SEPTIN7: variants seen among roughly 807,000 people sequenced by gnomAD.
SEPTIN7 encodes septin 7.
In SEPTIN7, 10 loss-of-function variants were observed where a neutral mutation model predicts 63.3. The observed-to-expected ratio is 0.16, with a 90% CI of 0.10 to 0.27. The LOEUF is 0.27. SEPTIN7 is among the 10% of genes least tolerant of loss of function. The pLI, the probability that SEPTIN7 is intolerant of heterozygous loss-of-function variation, is 1.00. For synonymous variants in SEPTIN7, 131 were observed against 165.3 expected (o/e 0.79, Z 1.59); for missense variants, 310 against 521.0 (o/e 0.59, Z 3.94).
intron 4 of SEPTIN7, among the ~76,000 whole-genome samples, chr7:35,867,194 G>GA (rs1278705519): frequency 2.0e-5 from 3 of 151,864 alleles, no homozygotes; most frequent in Non-Finnish European, 4.4e-5. Context: ...AAAATGAAGT[G>GA]AAAAAAATTG....
chr7:35,879,742 A>G, intron 6 of SEPTIN7, 81 bp from the exon 7 acceptor site: 1 of 791,030 alleles, frequency 1.3e-6, no homozygotes, highest in Middle Eastern at 2.3e-4. Context: ...GTTACATTGT[A>G]TTTAACTAGC....
chr7:35,843,199 G>T (rs1784493242), intron 3 of SEPTIN7, among the ~76,000 whole-genome samples: 1 of 152,170 alleles, frequency 6.6e-6, no homozygotes. Flanking sequence ...TTAGTTAATT[G>T]CAGGGGGATT....
intron 6 of SEPTIN7, among the ~76,000 whole-genome samples, chr7:35,875,892 C>T (rs1321022676): frequency 6.6e-6 from 1 of 151,908 alleles, no homozygotes; most frequent in Non-Finnish European, 1.5e-5. Context: ...CTTCTAGAAA[C>T]GATAAAGGAT....
intron 11 of SEPTIN7, 144 bp from the exon 12 acceptor site, chr7:35,898,104 A>G: frequency 1.8e-6 from 1 of 551,846 alleles, no homozygotes; most frequent in Non-Finnish European, 2.9e-6. Flanking sequence ...AGTTTTATAT[A>G]TGAAATATGG....
intron 3 of SEPTIN7, among the ~76,000 whole-genome samples, chr7:35,854,913 T>C (rs1206131411): frequency 6.6e-6 from 1 of 152,104 alleles, no homozygotes; most frequent in African/African-American, 2.4e-5. Context: ...ATATTCACTT[T>C]TATTATTACC....
At chr7:35,897,326 A>G (rs936674866) in intron 11 of SEPTIN7, among the ~76,000 whole-genome samples, 2 of 152,166 alleles carry the variant, frequency 1.3e-5, no homozygotes, top group Non-Finnish European at 2.9e-5. Flanking sequence ...TTCTCAAAGC[A>G]AAGAGCCCAC....
rs1439516695 is a variant in SEPTIN7, at chr7:35,905,279, T to A, written c.*986T>A. The A allele has an allele frequency of 6.6e-6, 1 of 152,670 alleles. No homozygotes were observed. The highest frequency in any genetic ancestry group is 1.5e-5 in the Non-Finnish European group (1 of 68,042). The allele number at this position is 152,670 out of a possible 1,614,324, so 9.5% of individuals were successfully genotyped here. A position where few individuals can be genotyped will look rare whatever the true frequency, so the allele number is the denominator to read the frequency against. On this transcript the variant is annotated 3_prime_UTR_variant, in exon 14 of 14. Transcript: ENST00000350320. The stretch of plus-strand genomic sequence containing the variant: ...TATTTTTTGTTTGTATTGTAAAAAA[T>A]TCACATAATAAACGATGTTGTGATG...
chr7:35,830,132 G>A lies in SEPTIN7; in HGVS notation c.62-1360G>A, dbSNP rs181816331. ...CCTCGGAAAGAGGTTGCAGTGAGCC[G>A]AGATCGCGCCACTGCCCCCCAGCCT... On this transcript the variant is annotated intron_variant, in intron 1 of 13. Coordinates refer to ENST00000350320, the MANE Select transcript of SEPTIN7 (RefSeq NM_001788.6). 3.2e-3 allele frequency among the ~76,000 whole-genome samples: 484 copies of A among 151,804 alleles called. 2 individuals carry two copies. Among genetic ancestry groups the A allele is most frequent in the Non-Finnish European group, 5.9e-3 (402 of 67,936 alleles).
At chr7:35,842,126 C>CT (rs995218072) in intron 3 of SEPTIN7, among the ~76,000 whole-genome samples, 6 of 152,048 alleles carry the variant, frequency 3.9e-5, no homozygotes, top group Admixed American at 3.3e-4. Context: ...GGTTTAGTCT[C>CT]TCCCAAGGCA....
chr7:35,864,284 G>A (rs1220659158), intron 4 of SEPTIN7, among the ~76,000 whole-genome samples: 7 of 151,968 alleles, frequency 4.6e-5, no homozygotes, highest in Middle Eastern at 3.4e-3. Flanking sequence ...TCCAATCCTC[G>A]GTATCCTGTT....
chr7:35,879,985 ATTTGCAGT>A lies in SEPTIN7; in HGVS notation c.630+49_630+56del, dbSNP rs1285962389. The A allele has an allele frequency of 3.6e-6, 4 of 1,123,644 alleles. No homozygotes were observed. In the African/African-American group the frequency reaches 6.2e-5, roughly 17 times the overall value. The allele number at this position is 1,123,644 out of a possible 1,614,324, so 69.6% of individuals were successfully genotyped here. A position where few individuals can be genotyped will look rare whatever the true frequency, so the allele number is the denominator to read the frequency against. On this transcript the variant is annotated intron_variant, in intron 7 of 13. Transcript: ENST00000350320. ...CCAGGTTTCTTATACCGTTCTCATA[ATTTGCAGT>A]TTTTACTATTTTTAGTATAATGTGT...
chr7:35,915,361 G>C, the SEPTIN7 span, among the ~76,000 whole-genome samples: 410 of 152,068 alleles, frequency 2.7e-3, 15 homozygotes, highest in South Asian at 0.062. Context: ...TAGGGACCAG[G>C]GACATTTTAG....
chr7:35,854,264 A>G (rs1204850713), intron 3 of SEPTIN7, among the ~76,000 whole-genome samples: 1 of 152,216 alleles, frequency 6.6e-6, no homozygotes, highest in East Asian at 1.9e-4. Context: ...ATGCTTGTAA[A>G]ATACTGGCAC....
At chr7:35,867,861 T>C (rs1411845116) in intron 4 of SEPTIN7, among the ~76,000 whole-genome samples, 3 of 151,846 alleles carry the variant, frequency 2.0e-5, no homozygotes, top group Non-Finnish European at 4.4e-5. Flanking sequence ...ATTTTATTGG[T>C]CCATGAAGTG....
At chr7:35,888,889 G>A (rs1375656213) in intron 10 of SEPTIN7, 1 of 321,984 alleles carries the variant, frequency 3.1e-6, no homozygotes, top group Admixed American at 3.9e-5. Flanking sequence ...ATTGGCATAG[G>A]TATTTGTTAT....
At chr7:35,909,684 T>G (rs1788703961), downstream of SEPTIN7, among the ~76,000 whole-genome samples, 1 of 152,192 alleles carries the variant, frequency 6.6e-6, no homozygotes, top group South Asian at 2.1e-4. Context: ...TCACATAGAT[T>G]GTGAACTAGA....
downstream of SEPTIN7, among the ~76,000 whole-genome samples, chr7:35,910,149 AG>A (rs1274452252): frequency 6.6e-6 from 1 of 152,254 alleles, no homozygotes; most frequent in Non-Finnish European, 1.5e-5. Context: ...GCAAGGCATA[AG>A]CCACATGGCT....
At chr7:35,858,688 T>TC (rs1351129501) in intron 3 of SEPTIN7, among the ~76,000 whole-genome samples, 6 of 150,300 alleles carry the variant, frequency 4.0e-5, no homozygotes, top group Non-Finnish European at 8.9e-5. Flanking sequence ...TTTCTTTTTT[T>TC]TTTTTTTTTG....
intron 7 of SEPTIN7, 142 bp downstream of exon 7, chr7:35,880,082 C>A (rs1317329248): frequency 6.8e-6 from 4 of 592,366 alleles, no homozygotes; most frequent in Non-Finnish European, 1.2e-5. Context: ...AATAACTCTT[C>A]AATCTTCTGC....
Sources: allele counts gnomAD v4.1 joint callset (sites outside exome capture counted in the v4.1 genomes callset), GRCh38; gene constraint gnomAD v4.1.1; transcripts MANE v1.5; gene names NCBI Gene and HGNC (gene_info 2026-07-23, HGNC 2026-07-21).